Variants in RNF19B observed in about 807,000 individuals in gnomAD.
The protein encoded by RNF19B is ring finger protein 19B.
In RNF19B, 23 loss-of-function variants were observed where a neutral mutation model predicts 65.5. The observed-to-expected ratio is 0.35, with a 90% CI of 0.25 to 0.50. RNF19B has a LOEUF of 0.50. RNF19B is among the 20% of genes least tolerant of loss of function. The pLI, the probability that RNF19B is intolerant of heterozygous loss-of-function variation, is 0.98. For missense variants in RNF19B, 794 were observed against 980.0 expected (o/e 0.81, Z 2.53); for synonymous variants, 372 against 379.6 (o/e 0.98, Z 0.23).
chr1:32,948,668 A>G lies in RNF19B; in HGVS notation c.842-305T>C, dbSNP rs555922824. 2.0e-5 allele frequency among the ~76,000 whole-genome samples: 3 copies of G among 152,322 alleles called. No homozygotes were observed. In the South Asian group the frequency reaches 6.2e-4, roughly 32 times the overall value. ...AGAAAGATGTTTCCAAGAAAAATGA[A>G]ATTTCTACCAGTCGATAGGCTGGTA... On this transcript the variant is annotated intron_variant, in intron 2 of 8. Transcript: ENST00000235150.
chr1:32,948,136 G>C, intron 3 of RNF19B, 86 bp downstream of exon 3: 1 of 1,423,910 alleles, frequency 7.0e-7, no homozygotes, highest in Non-Finnish European at 9.7e-7. Context: ...TGTAATGAGA[G>C]AACGGATGTG....
chr1:32,952,594 T>C (rs1344472328), intron 1 of RNF19B, among the ~76,000 whole-genome samples: 1 of 149,670 alleles, frequency 6.7e-6, no homozygotes, highest in Non-Finnish European at 1.5e-5. Context: ...TACAAAAAAT[T>C]AGCTGGGCAT....
At chr1:32,940,615 G>A (rs920800184) in intron 7 of RNF19B, among the ~76,000 whole-genome samples, 1 of 152,120 alleles carries the variant, frequency 6.6e-6, no homozygotes, top group Admixed American at 6.5e-5. Flanking sequence ...TTTGGTATGA[G>A]GCATAGAAGT....
chr1:32,950,998 C>T (rs978537566), intron 1 of RNF19B, among the ~76,000 whole-genome samples: 1 of 152,010 alleles, frequency 6.6e-6, no homozygotes, highest in African/African-American at 2.4e-5. Flanking sequence ...CATCACCATG[C>T]GCAGCTAATT....
chr1:32,931,646 G>C (rs1642030954), downstream of RNF19B, among the ~76,000 whole-genome samples: 1 of 152,206 alleles, frequency 6.6e-6, no homozygotes, highest in Non-Finnish European at 1.5e-5. Context: ...ATCTCCCTTT[G>C]ATTTTGATGT....
At chr1:32,962,488 C>T (rs1642794013) in intron 1 of RNF19B, among the ~76,000 whole-genome samples, 2 of 152,186 alleles carry the variant, frequency 1.3e-5, no homozygotes, top group African/African-American at 4.8e-5. Context: ...GAAACCCCAT[C>T]TCAGTGAGGT....
At chr1:32,960,440 A>G (rs1177971732) in intron 1 of RNF19B, among the ~76,000 whole-genome samples, 1 of 152,156 alleles carries the variant, frequency 6.6e-6, no homozygotes, top group Non-Finnish European at 1.5e-5. Flanking sequence ...AATGACCTCT[A>G]CCAGCCCCAG....
At chr1:32,934,181 T>G (rs1313437844), downstream of RNF19B, among the ~76,000 whole-genome samples, 1 of 152,246 alleles carries the variant, frequency 6.6e-6, no homozygotes, top group Non-Finnish European at 1.5e-5. Flanking sequence ...GAAGTCTGGC[T>G]GCAGTGCCCA....
At position 32,964,038 on chromosome 1, in the gene RNF19B, C is replaced by T. The variant is rs1432665531; in HGVS notation, c.635+13G>A. ...GCAGCCCGCCGCCACCCGCGCCACG[C>T]CCCCGCGCTCACCCGCAGTCCGGGG... On this transcript the variant is annotated intron_variant, in intron 1 of 8. Transcript: ENST00000235150. This position sits in a 1 kb window ranked among gnomAD's most constrained non-coding sequence, Gnocchi z 6.5. 1.4e-6 allele frequency: 2 copies of T among 1,465,356 alleles called. No individual in the cohort carries two copies. Among genetic ancestry groups the T allele is most frequent in the East Asian group, 2.9e-5 (1 of 34,744 alleles). 90.8% of individuals were successfully genotyped at this position (1,465,356 alleles called of 1,614,324 possible). A position where few individuals can be genotyped will look rare whatever the true frequency, so the allele number is the denominator to read the frequency against.
intron 8 of RNF19B, 119 bp from the exon 9 acceptor site, chr1:32,937,378 A>G: frequency 6.8e-7 from 1 of 1,465,430 alleles, no homozygotes; most frequent in Non-Finnish European, 9.4e-7. Flanking sequence ...AGTTAACTAG[A>G]GCTCACTTTT....
At chr1:32,939,503 T>G (rs149282979) in intron 7 of RNF19B, among the ~76,000 whole-genome samples, 2 of 152,318 alleles carry the variant, frequency 1.3e-5, no homozygotes, top group African/African-American at 4.8e-5. Flanking sequence ...ATCTCTCACT[T>G]GTCTGTTAAC....
intron 4 of RNF19B, 119 bp downstream of exon 4, chr1:32,946,283 A>G: frequency 2.6e-6 from 2 of 764,774 alleles, no homozygotes; most frequent in Non-Finnish European, 4.2e-6. Flanking sequence ...GGTTATTTTT[A>G]TCTAAGAACC....
Position 32,948,331 on chromosome 1 carries a change from A to T in RNF19B, c.874T>A (p.Tyr292Asn). The change falls in exon 3 of 9, where the codon TAC becomes AAC. Residue 292 changes from tyrosine to asparagine, a missense_variant. Around this residue, in one of 3 missense-constraint regions of RNF19B, gnomAD observed 374 missense variants for 423.8 expected, o/e 0.88. Transcript: ENST00000235150. ...DIKPCPRCSAYIIKMNDGSCN... is the reference protein window; with the variant it reads ...DIKPCPRCSANIIKMNDGSCN... ...CTTCCATCATTCATCTTGATAATGT[A>T]TGCACTGCATCGTGGGCATGGCTTG... The T allele has an allele frequency of 6.2e-7, 1 of 1,614,034 alleles. No homozygotes were observed.
chr1:32,959,131 T>TCATA (rs1642710679), intron 1 of RNF19B, among the ~76,000 whole-genome samples: 1 of 152,150 alleles, frequency 6.6e-6, no homozygotes, highest in Non-Finnish European at 1.5e-5. Flanking sequence ...AGCTTCCTGT[T>TCATA]TATGGGATGG....
chr1:32,945,536 T>C lies in RNF19B; in HGVS notation c.1239A>G (p.Pro413=), dbSNP rs149031975. 8.7e-5 allele frequency: 141 copies of C among 1,612,098 alleles called. No homozygotes were observed. The highest frequency in any genetic ancestry group is 1.1e-4 in the Non-Finnish European group (124 of 1,178,354). ...TACCAACACTAACTGCAGCAATAACTGGGGATGCAATGACCGACAAAGTCA... is the reference window on the plus strand; with the variant it reads ...TACCAACACTAACTGCAGCAATAACCGGGGATGCAATGACCGACAAAGTCA... The part of the protein sequence containing the change: ...GGVTLSVIAS[P]VIAAVSVGIG... Residue 413 remains proline (P), a synonymous_variant, in exon 5 of 9, where the codon CCA becomes CCG. Transcript: ENST00000235150.
Position 32,948,381 on chromosome 1 carries a change from A to T in RNF19B, c.842-18T>A, listed in dbSNP as rs1192563242. 1.9e-6 allele frequency: 3 copies of T among 1,607,054 alleles called. No homozygotes were observed. Among genetic ancestry groups the T allele is most frequent in the East Asian group, 2.2e-5 (1 of 44,758 alleles). ...GATGTCATCTGCTATGAGTGGGGGA[A>T]GAATGGGTAGAAAAAATACCCCTAG... On this transcript the variant is annotated intron_variant, in intron 2 of 8. Coordinates refer to ENST00000235150, the MANE Select transcript of RNF19B (RefSeq NM_001300826.2).
At chr1:32,954,210 C>A (rs1191237531) in intron 1 of RNF19B, among the ~76,000 whole-genome samples, 2 of 151,298 alleles carry the variant, frequency 1.3e-5, no homozygotes, top group African/African-American at 2.4e-5. Context: ...CCGTGCCCAG[C>A]CCACTTTTTT....
rs145814603 is a variant in RNF19B at position 32,953,374 on chromosome 1, T to A, written c.636-3600A>T. ...TACTCTCCCGCAATATTCAAAGACCTCAAATAACGTGTACAAAAAGCTAAT... is the reference window on the plus strand; with the variant it reads ...TACTCTCCCGCAATATTCAAAGACCACAAATAACGTGTACAAAAAGCTAAT... On this transcript the variant is annotated intron_variant, in intron 1 of 8. Transcript: ENST00000235150. Among the ~76,000 whole-genome samples the A allele has an allele frequency of 3.9e-5, 6 of 152,228 alleles. No individual in the cohort carries two copies. In the East Asian group the frequency reaches 1.2e-3, roughly 29 times the overall value.
At chr1:32,938,899 C>T (rs1642170158) in intron 7 of RNF19B, among the ~76,000 whole-genome samples, 1 of 152,178 alleles carries the variant, frequency 6.6e-6, no homozygotes, top group Non-Finnish European at 1.5e-5. Flanking sequence ...CTCCCTACTG[C>T]CAACAGGCAT....
Sources: allele counts gnomAD v4.1 joint callset (sites outside exome capture counted in the v4.1 genomes callset), GRCh38; gene constraint gnomAD v4.1.1; regional missense constraint gnomAD v4.1.1; non-coding constraint Gnocchi (gnomAD v3.1); transcripts MANE v1.5; gene names NCBI Gene and HGNC (gene_info 2026-07-23, HGNC 2026-07-21).